The following GPHN variants were observed in gnomAD, a reference collection of about 807,000 sequenced individuals.
GPHN encodes the protein gephyrin.
Under a neutral mutation model 95.5 loss-of-function variants are expected in GPHN, and 17 were observed. The ratio of observed to expected loss-of-function variants is 0.18; its 90% CI spans 0.12 to 0.27. GPHN has a LOEUF of 0.27. Among genes scored for constraint, GPHN ranks in the 10% least tolerant of loss-of-function variants. The pLI is 1.00. For synonymous variants in GPHN, 320 were observed against 322.5 expected (o/e 0.99, Z 0.08); for missense variants, 660 against 978.1 (o/e 0.67, Z 4.34).
chr14:67,223,491 T>G, the GPHN span, among the ~76,000 whole-genome samples: 1 of 152,342 alleles, frequency 6.6e-6, no homozygotes, highest in East Asian at 1.9e-4. Flanking sequence ...GCTGCCATGT[T>G]TGTAGTCCTG....
intron 2 of GPHN, among the ~76,000 whole-genome samples, chr14:66,685,603 T>C (rs1240554217): frequency 1.3e-5 from 2 of 152,228 alleles, no homozygotes; most frequent in South Asian, 2.1e-4. Flanking sequence ...GGGTTGTTTT[T>C]TTCTTGTAAA....
At chr14:67,090,959 C>G (rs1312600485) in intron 12 of GPHN, among the ~76,000 whole-genome samples, 1 of 151,316 alleles carries the variant, frequency 6.6e-6, no homozygotes, top group Non-Finnish European at 1.5e-5. Flanking sequence ...AGTAAACTAC[C>G]TGGCACACAT....
At chr14:67,321,971 T>C in the GPHN span, among the ~76,000 whole-genome samples, 1 of 152,218 alleles carries the variant, frequency 6.6e-6, no homozygotes, top group Non-Finnish European at 1.5e-5. Context: ...TGTTCAAATA[T>C]TAACAAGTAT....
At chr14:66,766,635 A>T (rs541670951) in intron 2 of GPHN, among the ~76,000 whole-genome samples, 1 of 152,240 alleles carries the variant, frequency 6.6e-6, no homozygotes, top group South Asian at 2.1e-4. Flanking sequence ...CAAAAGAAGG[A>T]TGGATAGACA....
chr14:66,741,308 T>A (rs2072771923), intron 2 of GPHN, among the ~76,000 whole-genome samples: 1 of 152,230 alleles, frequency 6.6e-6, no homozygotes, highest in Admixed American at 6.5e-5. Context: ...TTTATTCATA[T>A]GATAAATATT....
chr14:67,209,546 G>A, the GPHN span, among the ~76,000 whole-genome samples: 1 of 152,132 alleles, frequency 6.6e-6, no homozygotes, highest in Non-Finnish European at 1.5e-5. Context: ...TAGGCCGGGT[G>A]TGGTGGCTCA....
At chr14:67,562,982 A>G in the GPHN span, 2 of 1,369,232 alleles carry the variant, frequency 1.5e-6, no homozygotes, top group Admixed American at 4.8e-5. Context: ...TGAGCAGGAG[A>G]GGAGGCTGCT....
the GPHN span, among the ~76,000 whole-genome samples, chr14:67,596,749 A>G: frequency 6.6e-6 from 1 of 152,174 alleles, no homozygotes; most frequent in Non-Finnish European, 1.5e-5. Context: ...AATCCTGTCA[A>G]GTCAATTTAG....
intron 2 of GPHN, among the ~76,000 whole-genome samples, chr14:66,691,898 C>A (rs1413333638): frequency 6.6e-6 from 1 of 152,066 alleles, no homozygotes; most frequent in Non-Finnish European, 1.5e-5. Flanking sequence ...AAAAACTATC[C>A]AGTACTTTGG....
At chr14:67,556,778 A>G in the GPHN span, among the ~76,000 whole-genome samples, 1 of 152,226 alleles carries the variant, frequency 6.6e-6, no homozygotes, top group African/African-American at 2.4e-5. Context: ...TCTAGAAATG[A>G]TGCACCATTT....
At chr14:67,205,717 A>G in the GPHN span, among the ~76,000 whole-genome samples, 1 of 152,216 alleles carries the variant, frequency 6.6e-6, no homozygotes, top group Non-Finnish European at 1.5e-5. Flanking sequence ...AAAAAACTTG[A>G]GAGCCAAATT....
chr14:67,089,548 C>T (rs10483793), intron 12 of GPHN, among the ~76,000 whole-genome samples: 39,312 of 151,888 alleles, frequency 0.26, 10,373 homozygotes, highest in African/African-American at 0.65. Context: ...TTATTCTTTC[C>T]GTTCCTACAC....
chr14:67,344,752 C>T, the GPHN span, among the ~76,000 whole-genome samples: 1 of 151,626 alleles, frequency 6.6e-6, no homozygotes, highest in Non-Finnish European at 1.5e-5. Flanking sequence ...CGAGGTGGCA[C>T]AAACTTGTAG....
chr14:66,776,100 A>G (rs1211224263), intron 2 of GPHN, among the ~76,000 whole-genome samples: 1 of 152,204 alleles, frequency 6.6e-6, no homozygotes, highest in Non-Finnish European at 1.5e-5. Context: ...TATAAAAAGT[A>G]AAAAGCTATG....
intron 1 of GPHN, among the ~76,000 whole-genome samples, chr14:66,663,718 G>T (rs2153377962): frequency 6.6e-6 from 1 of 152,226 alleles, no homozygotes; most frequent in East Asian, 1.9e-4. Flanking sequence ...AGACCCAATG[G>T]TCTGCTGTCT....
chr14:67,138,887 CTTT>C (rs34446302), intron 17 of GPHN, among the ~76,000 whole-genome samples: 2,051 of 94,408 alleles, frequency 0.022, 32 homozygotes, highest in Non-Finnish European at 0.029. Flanking sequence ...GCATCCTCTC[CTTT>C]TTTTTTTTTT....
chr14:67,642,793 C>CTTTTTTTTTT, the GPHN span, among the ~76,000 whole-genome samples: 278 of 75,556 alleles, frequency 3.7e-3, 77 homozygotes, highest in Middle Eastern at 0.014. Flanking sequence ...ACTACATTTT[C>CTTTTTTTTTT]TTTTTTTTTT....
chr14:67,021,370 T>A (rs1247986082), intron 9 of GPHN, among the ~76,000 whole-genome samples: 1 of 152,152 alleles, frequency 6.6e-6, no homozygotes, highest in African/African-American at 2.4e-5. Flanking sequence ...TGAACCTTGA[T>A]AAACGCTCAG....
the GPHN span, chr14:67,648,144 C>T: frequency 6.2e-7 from 1 of 1,613,992 alleles, no homozygotes; most frequent in Non-Finnish European, 8.5e-7. Context: ...ACTAACCTAT[C>T]GAGAAGGCAT....
Sources: gnomAD v4.1 joint callset for allele counts (sites outside exome capture counted in the v4.1 genomes callset) on GRCh38, gnomAD v4.1.1 for gene constraint, MANE v1.5 for transcripts, NCBI Gene and HGNC (gene_info 2026-07-23, HGNC 2026-07-21) for gene names.